NAV2: variants seen among roughly 807,000 people sequenced by gnomAD.
NAV2 encodes the protein helicase, APC down-regulated 1.
Under a neutral mutation model 223.2 loss-of-function variants are expected in NAV2, and 54 were observed. That is an observed-to-expected ratio of 0.24 (90% confidence interval 0.19 to 0.30). The LOEUF (loss-of-function observed/expected upper bound fraction) is 0.30. NAV2 is among the 10% of genes least tolerant of loss of function. The probability of loss-of-function intolerance (pLI) is 1.00; values close to 1 mark genes in which losing one functional copy is unlikely to be tolerated. For synonymous variants in NAV2, 1,279 were observed against 1,239.3 expected (o/e 1.03, Z -0.67); for missense variants, 2,806 against 3,147.5 (o/e 0.89, Z 2.60).
intron 10 of NAV2, among the ~76,000 whole-genome samples, chr11:19,961,674 A>G (rs1255155164): frequency 1.3e-5 from 2 of 152,166 alleles, no homozygotes; most frequent in East Asian, 1.9e-4. Flanking sequence ...TGAGCCTCCC[A>G]TGTGTTAAAC....
chr11:20,118,311 A>G lies in NAV2; in HGVS notation c.*53A>G. 6.3e-7 allele frequency: 1 copy of G among 1,595,940 alleles called. No individual in the cohort carries two copies. The highest frequency in any genetic ancestry group is 1.7e-5 in the Admixed American group (1 of 59,478). The stretch of plus-strand genomic sequence containing the variant: ...CTTCTCCTCACCGCATTCCACCTGC[A>G]TCCCCCACATCACCCTGAAGATGAC... On this transcript the variant is annotated 3_prime_UTR_variant, in exon 38 of 38. Transcript: ENST00000349880.
intron 11 of NAV2, among the ~76,000 whole-genome samples, chr11:20,031,232 A>G (rs539988144): frequency 1.2e-4 from 19 of 152,328 alleles, no homozygotes; most frequent in African/African-American, 4.3e-4. Flanking sequence ...CACATAGTAA[A>G]CACGAATTCT....
At chr11:19,921,019 A>G (rs888296385) in intron 6 of NAV2, among the ~76,000 whole-genome samples, 2 of 152,212 alleles carry the variant, frequency 1.3e-5, no homozygotes, top group South Asian at 4.1e-4. Context: ...GCTAGTGAGA[A>G]GTCTTTTGAG....
chr11:19,581,216 GT>G (rs1408439148), intron 1 of NAV2, among the ~76,000 whole-genome samples: 1 of 152,108 alleles, frequency 6.6e-6, no homozygotes, highest in East Asian at 1.9e-4. Flanking sequence ...ATGTGACTTG[GT>G]TTTTTTACTT....
chr11:20,054,827 G>T lies in NAV2; in HGVS notation c.4642+587G>T, dbSNP rs572684031. The stretch of plus-strand genomic sequence containing the variant: ...CACAGTCCCTGCTGACATGTCAATG[G>T]AATTCTTTTTCAGGAAGACAAACAC... On this transcript the variant is annotated intron_variant, in intron 18 of 37. Transcript: ENST00000349880. 2.0e-5 allele frequency among the ~76,000 whole-genome samples: 3 copies of T among 152,314 alleles called. No individual in the cohort carries two copies. In the South Asian group the frequency reaches 6.2e-4, roughly 32 times the overall value.
At chr11:19,533,709 T>G (rs1032472526) in intron 1 of NAV2, among the ~76,000 whole-genome samples, 1 of 128,822 alleles carries the variant, frequency 7.8e-6, no homozygotes, top group Non-Finnish European at 1.5e-5. Flanking sequence ...GAACTATCTT[T>G]TTTTTTTTTT....
intron 5 of NAV2, among the ~76,000 whole-genome samples, chr11:19,887,702 A>G (rs2041134609): frequency 6.6e-6 from 1 of 152,182 alleles, no homozygotes; most frequent in Non-Finnish European, 1.5e-5. Flanking sequence ...ATTGATCTGT[A>G]TGCAACTATC....
At position 19,998,711 on chromosome 11, in the gene NAV2, C is replaced by T. The variant is rs1002624681; in HGVS notation, c.2768+14464C>T. Among the ~76,000 whole-genome samples, 8 of 151,302 alleles carry T rather than the reference C, an allele frequency of 5.3e-5. No homozygotes were observed. The highest frequency in any genetic ancestry group is 2.1e-4 in the South Asian group (1 of 4,760). On this transcript the variant is annotated intron_variant, in intron 11 of 37. Transcript: ENST00000349880. The surrounding 1 kb of genome is among the most constrained non-coding windows in gnomAD (Gnocchi z 5.0). ...CTCTGCATAGACTGTGCTTCCCCCC[C>T]TCTCTCCTTTTCTCCTTATAAGCCT...
chr11:19,734,313 A>G (rs2052073763), intron 1 of NAV2, among the ~76,000 whole-genome samples: 1 of 152,326 alleles, frequency 6.6e-6, no homozygotes, highest in Admixed American at 6.5e-5. Flanking sequence ...GAGGATGAAT[A>G]TGATGACCCA....
At chr11:19,884,331 C>T (rs142383724) in intron 5 of NAV2, 88 of 1,613,958 alleles carry the variant, frequency 5.5e-5, no homozygotes, top group Non-Finnish European at 6.4e-5. Flanking sequence ...CAAAATCATC[C>T]GCTTCACTCT....
At chr11:19,808,156 G>A (rs2152801854) in intron 1 of NAV2, among the ~76,000 whole-genome samples, 1 of 152,318 alleles carries the variant, frequency 6.6e-6, no homozygotes, top group East Asian at 1.9e-4. Context: ...GACTTAGTGT[G>A]TGGCACATAG....
intron 3 of NAV2, among the ~76,000 whole-genome samples, chr11:19,861,486 G>T (rs776513174): frequency 6.6e-6 from 1 of 152,216 alleles, no homozygotes; most frequent in African/African-American, 2.4e-5. Flanking sequence ...ACTACCGGTT[G>T]TTGGGCACAT....
intron 3 of NAV2, among the ~76,000 whole-genome samples, chr11:19,847,378 G>T (rs2060869614): frequency 6.6e-6 from 1 of 152,212 alleles, no homozygotes; most frequent in Non-Finnish European, 1.5e-5. Flanking sequence ...CCCCAGGCCT[G>T]CTTTCCCCTT....
chr11:19,694,637 ACT>A (rs1323559886), intron 1 of NAV2, among the ~76,000 whole-genome samples: 6 of 152,208 alleles, frequency 3.9e-5, no homozygotes, highest in African/African-American at 1.4e-4. Flanking sequence ...TAGAACTCCC[ACT>A]GTCACTTCCA....
chr11:19,788,648 C>T (rs1263830100), intron 1 of NAV2, among the ~76,000 whole-genome samples: 1 of 152,184 alleles, frequency 6.6e-6, no homozygotes, highest in East Asian at 1.9e-4. Flanking sequence ...AAGCACATGT[C>T]AGTCTGCTCC....
intron 1 of NAV2, among the ~76,000 whole-genome samples, chr11:19,645,259 CT>C (rs1400776544): frequency 6.6e-6 from 1 of 152,148 alleles, no homozygotes; most frequent in Non-Finnish European, 1.5e-5. Context: ...CAGTTTGAGC[CT>C]CCCTCATGCT....
At chr11:19,421,608 C>T (rs1490946767) in intron 1 of NAV2, among the ~76,000 whole-genome samples, 1 of 151,980 alleles carries the variant, frequency 6.6e-6, no homozygotes, top group East Asian at 1.9e-4. Context: ...TAAAGACAAA[C>T]ATTAAGTATT....
In NAV2 at chr11:19,825,028, C is replaced by T. The variant is rs142959460; in HGVS notation, c.268-7456C>T. Among the ~76,000 whole-genome samples, 20 of 152,212 alleles carry T rather than the reference C, an allele frequency of 1.3e-4. No individual in the cohort carries two copies. The East Asian group carries it at 3.5e-3, about 26-fold the overall frequency. On this transcript the variant is annotated intron_variant, in intron 1 of 37. Coordinates refer to ENST00000349880, the MANE Select transcript of NAV2 (RefSeq NM_145117.5). Reference sequence around the variant, plus strand: ...ATTGTGTTGGCTAGGTGTGGTGGCTCATGCCTGTAATCCCAGCACTTTGGG... The same window carrying T: ...ATTGTGTTGGCTAGGTGTGGTGGCTTATGCCTGTAATCCCAGCACTTTGGG...
intron 6 of NAV2, among the ~76,000 whole-genome samples, chr11:19,912,138 C>T (rs1164079372): frequency 1.3e-5 from 2 of 152,158 alleles, no homozygotes; most frequent in African/African-American, 4.8e-5. Context: ...AGTTCTTCAA[C>T]TTTATCTCAT....
Sources: allele counts gnomAD v4.1 joint callset (sites outside exome capture counted in the v4.1 genomes callset), GRCh38; gene constraint gnomAD v4.1.1; non-coding constraint Gnocchi (gnomAD v3.1); transcripts MANE v1.5; gene names NCBI Gene and HGNC (gene_info 2026-07-23, HGNC 2026-07-21).